PCYT1A: variants seen among roughly 807,000 people sequenced by gnomAD.
PCYT1A encodes the protein phosphate cytidylyltransferase 1A, choline.
PCYT1A carries 25 observed loss-of-function variants against 43.7 expected under a neutral mutation model. That is an observed-to-expected ratio of 0.57 (90% confidence interval 0.42 to 0.80). PCYT1A has a LOEUF of 0.80. Among genes scored for constraint, PCYT1A ranks in the 30% least tolerant of loss-of-function variants. The pLI is 0.00. For missense variants in PCYT1A, 421 were observed against 474.2 expected, an observed-to-expected ratio of 0.89 and a Z score of 1.04; for synonymous variants, 172 against 170.7, an observed-to-expected ratio of 1.01 and a Z score of -0.06.
At chr3:196,260,547 G>GA (rs1361109046) in intron 2 of PCYT1A, among the ~76,000 whole-genome samples, 3 of 151,996 alleles carry the variant, frequency 2.0e-5, no homozygotes, top group Non-Finnish European at 4.4e-5. Context: ...CATATATTAA[G>GA]AAAAAAACAA....
Position 196,242,289 on chromosome 3 carries a change from T to C in PCYT1A, c.566-199A>G, listed in dbSNP as rs1421496214. 6.0e-5 allele frequency: 39 copies of C among 645,422 alleles called. No individual in the cohort carries two copies. In the East Asian group the frequency reaches 7.1e-4, roughly 12 times the overall value. The allele number at this position is 645,422 out of a possible 1,614,324, so 40.0% of individuals were successfully genotyped here. ...AGAGGTAAGGCAAAGAAGAGTTACA[T>C]AGCCCTAATATTAAGAAAAATATGA... On this transcript the variant is annotated intron_variant, in intron 6 of 8. Coordinates refer to ENST00000431016, the MANE Select transcript of PCYT1A (RefSeq NM_001312673.2). This position sits in a 1 kb window ranked among gnomAD's most constrained non-coding sequence, Gnocchi z 4.2.
intron 3 of PCYT1A, among the ~76,000 whole-genome samples, chr3:196,250,280 G>T (rs930076415): frequency 2.7e-5 from 4 of 150,328 alleles, no homozygotes; most frequent in African/African-American, 9.8e-5. Context: ...ACACCATGCC[G>T]AGGCGAGGAC....
intron 1 of PCYT1A, chr3:196,287,262 G>A (rs1006939880): frequency 1.3e-5 from 2 of 151,988 alleles, no homozygotes; most frequent in African/African-American, 2.4e-5. Context: ...CCTCGCGGCC[G>A]CTGCTCGTGT....
rs116900892 is a variant in PCYT1A at position 196,239,951 on chromosome 3, G to A, written c.709-216C>T. 7.1e-3 allele frequency: 3,649 copies of A among 512,808 alleles called. 123 individuals carry two copies. The highest frequency in any genetic ancestry group is 0.064 in the South Asian group (1,881 of 29,438). 31.8% of individuals were successfully genotyped at this position (512,808 alleles called of 1,614,324 possible). On this transcript the variant is annotated intron_variant, in intron 7 of 8. Transcript: ENST00000431016. ...GTAATTCTAATATTGTGGGCATTTGGGAATAAACTAAAAATATAGGCTATA... is the reference window on the plus strand; with the variant it reads ...GTAATTCTAATATTGTGGGCATTTGAGAATAAACTAAAAATATAGGCTATA...
At chr3:196,276,982 C>T (rs924092527) in intron 1 of PCYT1A, among the ~76,000 whole-genome samples, 2 of 151,418 alleles carry the variant, frequency 1.3e-5, no homozygotes, top group African/African-American at 4.9e-5. Context: ...GTAATCCTGG[C>T]ACTTTGAGAG....
rs1317481492 is a variant in PCYT1A, at chr3:196,242,319, G to A, written c.566-229C>T. 9.2e-6 allele frequency: 6 copies of A among 651,046 alleles called. No individual in the cohort carries two copies. The highest frequency in any genetic ancestry group is 3.6e-5 in the African/African-American group (2 of 55,128). 40.3% of individuals were successfully genotyped at this position (651,046 alleles called of 1,614,324 possible). A position where few individuals can be genotyped will look rare whatever the true frequency, so the allele number is the denominator to read the frequency against. The stretch of plus-strand genomic sequence containing the variant: ...CTAATATTAAGAAAAATATGAGAAA[G>A]GGTTTCCTGAAATTAAGAGAGATAT... On this transcript the variant is annotated intron_variant, in intron 6 of 8. Coordinates refer to ENST00000431016, the MANE Select transcript of PCYT1A (RefSeq NM_001312673.2). The surrounding 1 kb of genome is among the most constrained non-coding windows in gnomAD (Gnocchi z 4.2).
chr3:196,257,875 G>C lies in PCYT1A; in HGVS notation c.130C>G (p.Pro44Ala). 3.1e-6 allele frequency: 5 copies of C among 1,611,418 alleles called. No individual in the cohort carries two copies. Among genetic ancestry groups the C allele is most frequent in the Non-Finnish European group, 4.2e-6 (5 of 1,177,764 alleles). ...VQRCAVGLRQ[P>A]APFSDEIEVD... ...TCAATTTCATCAGAAAAAGGAGCTG[G>C]TTGCCGTAAGCCCTTAAGAAATGGA... Residue 44 changes from proline (P) to alanine (A), a missense_variant, in exon 3 of 9, where the codon CCA (proline) becomes GCA (alanine). Pro to Ala is a conservative substitution (Grantham distance 27). This residue lies in a region of PCYT1A where 139 missense variants were observed against 117.7 expected (regional missense o/e 1.18). Transcript: ENST00000431016.
chr3:196,248,190 A>G lies in PCYT1A; in HGVS notation c.334+17T>C. On this transcript the variant is annotated intron_variant, in intron 4 of 8. Coordinates refer to ENST00000431016, the MANE Select transcript of PCYT1A (RefSeq NM_001312673.2). ...CTTTTTCTGCACAGCACCTGAAGTC[A>G]CCAAATGTTTTCTTACCTCCCACAA... The G allele has an allele frequency of 1.4e-6, 2 of 1,403,194 alleles. No individual in the cohort carries two copies. Among genetic ancestry groups the G allele is most frequent in the Non-Finnish European group, 2.0e-6 (2 of 987,324 alleles). 86.9% of individuals were successfully genotyped at this position (1,403,194 alleles called of 1,614,324 possible). A position where few individuals can be genotyped will look rare whatever the true frequency, so the allele number is the denominator to read the frequency against.
Position 196,247,861 on chromosome 3 carries a change from C to T in PCYT1A, c.335-343G>A. On this transcript the variant is annotated intron_variant, in intron 4 of 8. Coordinates refer to ENST00000431016, the MANE Select transcript of PCYT1A (RefSeq NM_001312673.2). This position sits in a 1 kb window ranked among gnomAD's most constrained non-coding sequence, Gnocchi z 4.8. Reference sequence around the variant, plus strand: ...TTTTATTCACACTGGACTGGACCACCTAACATTTCCTTGGCAGACTTTTGT... The same window carrying T: ...TTTTATTCACACTGGACTGGACCACTTAACATTTCCTTGGCAGACTTTTGT... 4.1e-6 allele frequency: 2 copies of T among 488,406 alleles called. No individual in the cohort carries two copies. The highest frequency in any genetic ancestry group is 7.5e-6 in the Non-Finnish European group (2 of 266,702). 30.3% of individuals were successfully genotyped at this position (488,406 alleles called of 1,614,324 possible).
chr3:196,262,114 C>G (rs1725129923), intron 2 of PCYT1A, among the ~76,000 whole-genome samples: 2 of 152,262 alleles, frequency 1.3e-5, no homozygotes, highest in Admixed American at 1.3e-4. Context: ...CTGTGTTCTC[C>G]TAAAACACAT....
rs1480730124 is a variant in PCYT1A at position 196,252,022 on chromosome 3, G to C, written c.218-3699C>G. On this transcript the variant is annotated intron_variant, in intron 3 of 8. Coordinates refer to ENST00000431016, the MANE Select transcript of PCYT1A (RefSeq NM_001312673.2). The surrounding 1 kb of genome is among the most constrained non-coding windows in gnomAD (Gnocchi z 4.0). Reference sequence around the variant, plus strand: ...CCTCCCAGGCTCAAATGATCCTCCCGCCTCAGCCTCCCGAGAAGCTGGGAC... The same window carrying C: ...CCTCCCAGGCTCAAATGATCCTCCCCCCTCAGCCTCCCGAGAAGCTGGGAC... 6.6e-6 allele frequency among the ~76,000 whole-genome samples: 1 copy of C among 151,878 alleles called. No homozygotes were observed. The highest frequency in any genetic ancestry group is 6.6e-5 in the Admixed American group (1 of 15,234).
At position 196,242,111 on chromosome 3, in the gene PCYT1A, G is replaced by A; in HGVS notation, c.566-21C>T. On this transcript the variant is annotated intron_variant, in intron 6 of 8. Transcript: ENST00000431016. The surrounding 1 kb of genome is among the most constrained non-coding windows in gnomAD (Gnocchi z 4.2). The stretch of plus-strand genomic sequence containing the variant: ...CATGCCTAACTCAGAAACACATACA[G>A]ACAAACACTGTGAGGTTCTGGTTAG... 6.2e-7 allele frequency: 1 copy of A among 1,612,592 alleles called. No homozygotes were observed. The highest frequency in any genetic ancestry group is 1.3e-5 in the African/African-American group (1 of 75,024).
At position 196,236,691 on chromosome 3, in the gene PCYT1A, G is replaced by C. The variant is rs1347189058; in HGVS notation, c.*1997C>G. 6.6e-6 allele frequency: 1 copy of C among 152,090 alleles called. No individual in the cohort carries two copies. Among genetic ancestry groups the C allele is most frequent in the East Asian group, 1.9e-4 (1 of 5,192 alleles). The allele number at this position is 152,090 out of a possible 1,614,324, so 9.4% of individuals were successfully genotyped here. On this transcript the variant is annotated 3_prime_UTR_variant, in exon 9 of 9. Coordinates refer to ENST00000431016, the MANE Select transcript of PCYT1A (RefSeq NM_001312673.2). Reference sequence around the variant, plus strand: ...TGGTTTTTGTTTTGTTTTGGAGACAGAGTCTCGCTCTGTCACCCAGGCTGG... The same window carrying C: ...TGGTTTTTGTTTTGTTTTGGAGACACAGTCTCGCTCTGTCACCCAGGCTGG...
intron 8 of PCYT1A, 79 bp downstream of exon 8, chr3:196,239,468 T>C: frequency 2.3e-6 from 2 of 881,770 alleles, no homozygotes; most frequent in Admixed American, 4.2e-5. Context: ...TCAGTGTCGA[T>C]GCCCCTTCCT....
At chr3:196,248,095 T>C in intron 4 of PCYT1A, 112 bp downstream of exon 4, 1 of 719,502 alleles carries the variant, frequency 1.4e-6, no homozygotes, top group Non-Finnish European at 2.5e-6. Flanking sequence ...GAGGCTGTAC[T>C]ACATCCTTCA....
In PCYT1A at chr3:196,267,136, G is replaced by A. The variant is rs146491682; in HGVS notation, c.117+3279C>T. 2,247 of 237,548 alleles carry A rather than the reference G, an allele frequency of 9.5e-3. 31 individuals carry two copies. Among genetic ancestry groups the A allele is most frequent in the African/African-American group, 0.034 (1,333 of 39,768 alleles). The allele number at this position is 237,548 out of a possible 1,614,324, so 14.7% of individuals were successfully genotyped here. On this transcript the variant is annotated intron_variant, in intron 2 of 8. Transcript: ENST00000431016. ...GGAGGTTGCAGTGAGCCGAGATTGC[G>A]CCACTGCACTCCAGCTTGGGCGACA...
At position 196,268,842 on chromosome 3, in the gene PCYT1A, T is replaced by C. The variant is rs1174984940; in HGVS notation, c.117+1573A>G. Among the ~76,000 whole-genome samples the C allele has an allele frequency of 6.6e-6, 1 of 152,122 alleles. No individual in the cohort carries two copies. The highest frequency in any genetic ancestry group is 1.9e-4 in the East Asian group (1 of 5,202). ...AAAAATAAAAATAGTAAAGAGGCTT[T>C]GCAGATATGATTAAATAAAGGAAGA... On this transcript the variant is annotated intron_variant, in intron 2 of 8. Coordinates refer to ENST00000431016, the MANE Select transcript of PCYT1A (RefSeq NM_001312673.2). This position sits in a 1 kb window ranked among gnomAD's most constrained non-coding sequence, Gnocchi z 4.4.
rs1340955196 is a variant in PCYT1A at position 196,235,177 on chromosome 3, G to A, written c.*3511C>T. On this transcript the variant is annotated 3_prime_UTR_variant, in exon 9 of 9. Coordinates refer to ENST00000431016, the MANE Select transcript of PCYT1A (RefSeq NM_001312673.2). This position sits in a 1 kb window ranked among gnomAD's most constrained non-coding sequence, Gnocchi z 4.3. ...AGCTACCCATAGTCAAAATAATCCA[G>A]GAAGGGGGAATGACGCCCTATGAAC... is the stretch of plus-strand genomic sequence containing the variant. The A allele has an allele frequency of 1.3e-5, 2 of 152,188 alleles. No homozygotes were observed. Among genetic ancestry groups the A allele is most frequent in the African/African-American group, 4.8e-5 (2 of 41,436 alleles). The allele number at this position is 152,188 out of a possible 1,614,324, so 9.4% of individuals were successfully genotyped here.
chr3:196,240,695 A>G (rs532095188), intron 7 of PCYT1A: 5 of 152,298 alleles, frequency 3.3e-5, no homozygotes, highest in Non-Finnish European at 7.3e-5. Flanking sequence ...TATCTCAAAA[A>G]AAGAAAAAGA....
Sources: gnomAD v4.1 joint callset for allele counts (sites outside exome capture counted in the v4.1 genomes callset) on GRCh38, gnomAD v4.1.1 for gene constraint, gnomAD v4.1.1 regional missense constraint, Gnocchi (gnomAD v3.1) non-coding constraint, MANE v1.5 for transcripts, NCBI Gene and HGNC (gene_info 2026-07-23, HGNC 2026-07-21) for gene names.